Variants in ALDH16A1 observed in about 807,000 individuals in gnomAD.
ALDH16A1 encodes the protein aldehyde dehydrogenase family 16 member A1.
In ALDH16A1, 88 loss-of-function variants were observed where a neutral mutation model predicts 96.1. That is an observed-to-expected ratio of 0.92 (90% CI 0.77 to 1.09). The LOEUF is 1.09. Ranked by LOEUF, ALDH16A1 falls within the 50% of genes least tolerant of loss-of-function variation. ALDH16A1 has a pLI of 0.00. For missense variants in ALDH16A1, 1,250 were observed against 1,112.6 expected, an observed-to-expected ratio of 1.12 and a Z score of -1.76; for synonymous variants, 522 against 496.4, an observed-to-expected ratio of 1.05 and a Z score of -0.69.
At position 49,468,773 on chromosome 19, in the gene ALDH16A1, AT is replaced by A; in HGVS notation, c.2125-90del. ...GGGGCTTTCTCCTCCATGACCCCCCATCCCCTTCCCTCCCATGGGCACCCCC... is the reference window on the plus strand; with the variant it reads ...GGGGCTTTCTCCTCCATGACCCCCCACCCCTTCCCTCCCATGGGCACCCCC... On this transcript the variant is annotated intron_variant, in intron 15 of 16. Transcript: ENST00000293350. The surrounding 1 kb of genome is among the most constrained non-coding windows in gnomAD (Gnocchi z 4.4). 7.2e-7 allele frequency: 1 copy of A among 1,395,002 alleles called. No homozygotes were observed. Among genetic ancestry groups the A allele is most frequent in the African/African-American group, 1.5e-5 (1 of 67,720 alleles). 86.4% of individuals were successfully genotyped at this position (1,395,002 alleles called of 1,614,324 possible).
chr19:49,461,362 A>G (rs1393605378), intron 5 of ALDH16A1, among the ~76,000 whole-genome samples: 183 of 12,018 alleles, frequency 0.015, no homozygotes, highest in Admixed American at 0.036. Flanking sequence ...GAGGGGCTGG[A>G]GTCTGGACTC....
At chr19:49,462,076 C>A in intron 7 of ALDH16A1, 40 bp downstream of exon 7, 3 of 1,498,598 alleles carry the variant, frequency 2.0e-6, no homozygotes, top group Non-Finnish European at 1.8e-6. Flanking sequence ...ACCCTGGAGG[C>A]CGTTGGTGTC....
At position 49,460,993 on chromosome 19, in the gene ALDH16A1, G is replaced by A. The variant is rs1181044887; in HGVS notation, c.577+94G>A. 2.9e-6 allele frequency: 4 copies of A among 1,372,654 alleles called. No individual in the cohort carries two copies. In the African/African-American group the frequency reaches 4.3e-5, roughly 15 times the overall value. The allele number at this position is 1,372,654 out of a possible 1,614,324, so 85.0% of individuals were successfully genotyped here. On this transcript the variant is annotated intron_variant, in intron 5 of 16. Coordinates refer to ENST00000293350, the MANE Select transcript of ALDH16A1 (RefSeq NM_153329.4). ...CAGAGTCTGAGAGACAAGGGGGCTG[G>A]AGGCCTGGACTCTGTGGAAGGAGTC...
chr19:49,462,862 GGAA>G lies in ALDH16A1; in HGVS notation c.1098+109_1098+111del. 2 of 854,350 alleles carry G rather than the reference GGAA, an allele frequency of 2.3e-6. 1 individual carries two copies. The highest frequency in any genetic ancestry group is 8.5e-5 in the Admixed American group (2 of 23,416). The allele number at this position is 854,350 out of a possible 1,614,324, so 52.9% of individuals were successfully genotyped here. ...GCTGGGCGTGGACAACTGGGTCCGA[GGAA>G]GGAGGGGCTGGGAGCCTGGACTCCT... On this transcript the variant is annotated intron_variant, in intron 8 of 16. Transcript: ENST00000293350.
At chr19:49,462,799 G>T (rs763379703) in intron 8 of ALDH16A1, 44 bp downstream of exon 8, 4 of 1,490,092 alleles carry the variant, frequency 2.7e-6, no homozygotes, top group Non-Finnish European at 3.6e-6. Flanking sequence ...GGGAGGAGGG[G>T]CCTGGAGACC....
At chr19:49,460,930 T>C in intron 5 of ALDH16A1, 31 bp downstream of exon 5, 1 of 1,602,880 alleles carries the variant, frequency 6.2e-7, no homozygotes, top group South Asian at 1.1e-5. Context: ...TCCTGACTCT[T>C]GGGTCTGAGA....
rs114336141 is a variant in ALDH16A1 at position 49,466,322 on chromosome 19, G to A, written c.1938+39G>A. The A allele has an allele frequency of 3.1e-3, 4,376 of 1,424,148 alleles. 53 individuals carry two copies. In the African/African-American group the frequency reaches 0.032, roughly 10 times the overall value. 88.2% of individuals were successfully genotyped at this position (1,424,148 alleles called of 1,614,324 possible). ...GGGCACCTGGGCCAGCTGGGCAGGC[G>A]GGGTGGGGCTCAGACCAGAGGCTGT... On this transcript the variant is annotated intron_variant, in intron 14 of 16. Transcript: ENST00000293350.
Position 49,470,558 on chromosome 19 carries a change from G to A in ALDH16A1, c.*91G>A. ...CTGGGACTTTCCCCTTCTGGTTCCTGTGTCTCCCAATAAACTCTCTGACCA... is the reference window on the plus strand; with the variant it reads ...CTGGGACTTTCCCCTTCTGGTTCCTATGTCTCCCAATAAACTCTCTGACCA... On this transcript the variant is annotated 3_prime_UTR_variant, in exon 17 of 17. Coordinates refer to ENST00000293350, the MANE Select transcript of ALDH16A1 (RefSeq NM_153329.4). 2 of 1,375,828 alleles carry A rather than the reference G, an allele frequency of 1.5e-6. No homozygotes were observed. Among genetic ancestry groups the A allele is most frequent in the Non-Finnish European group, 1.9e-6 (2 of 1,053,328 alleles). 85.2% of individuals were successfully genotyped at this position (1,375,828 alleles called of 1,614,324 possible).
chr19:49,460,800 T>C (rs964165003), intron 4 of ALDH16A1, 22 bp from the exon 5 acceptor site: 1 of 1,603,274 alleles, frequency 6.2e-7, no homozygotes, highest in Non-Finnish European at 8.5e-7. Context: ...AGGGATCCTC[T>C]TGCCTCATTT....
rs1263488206 is a variant in ALDH16A1 at position 49,470,640 on chromosome 19, G to C, written c.*173G>C. The C allele has an allele frequency of 1.8e-5, 10 of 561,886 alleles. No individual in the cohort carries two copies. In the Admixed American group the frequency reaches 2.1e-4, roughly 12 times the overall value. The allele number at this position is 561,886 out of a possible 1,614,324, so 34.8% of individuals were successfully genotyped here. On this transcript the variant is annotated 3_prime_UTR_variant, in exon 17 of 17. Transcript: ENST00000293350. ...TGTAGCAACTTCTGGCAGATATGAGGCTTTTTTCTTTTTTTTTTTTTTTTT... is the reference window on the plus strand; with the variant it reads ...TGTAGCAACTTCTGGCAGATATGAGCCTTTTTTCTTTTTTTTTTTTTTTTT...
chr19:49,462,439 T>C, intron 7 of ALDH16A1, 131 bp from the exon 8 acceptor site: 1 of 1,200,910 alleles, frequency 8.3e-7, no homozygotes, highest in Non-Finnish European at 1.2e-6. Flanking sequence ...CCGGCCTCTC[T>C]GTTCTTTAGG....
At chr19:49,458,635 C>T (rs1197431080) in intron 2 of ALDH16A1, 47 bp downstream of exon 2, 1 of 1,529,194 alleles carries the variant, frequency 6.5e-7, no homozygotes, top group Admixed American at 2.0e-5. Flanking sequence ...TATCTGTGCC[C>T]TCTAGCCCTA....
At position 49,465,721 on chromosome 19, in the gene ALDH16A1, G is replaced by A; in HGVS notation, c.1569-17G>A. 5.0e-6 allele frequency: 8 copies of A among 1,606,490 alleles called. No individual in the cohort carries two copies. Among genetic ancestry groups the A allele is most frequent in the Non-Finnish European group, 6.8e-6 (8 of 1,175,374 alleles). On this transcript the variant is annotated splice_polypyrimidine_tract_variant and intron_variant, in intron 12 of 16. Coordinates refer to ENST00000293350, the MANE Select transcript of ALDH16A1 (RefSeq NM_153329.4). ...TTGAGGCCCCAGGACTCCTCCTCAT[G>A]TCCCACCCTACTCCAGCCCAGCACC... is the stretch of plus-strand genomic sequence containing the variant.
In ALDH16A1 at chr19:49,463,863, G is replaced by A; in HGVS notation, c.1108G>A (p.Ala370Thr). The change falls in exon 9 of 17, where the codon GCT (alanine) becomes ACT (threonine). Residue 370 changes from alanine to threonine, a missense_variant. Ala to Thr is a moderately conservative substitution (Grantham distance 58). Coordinates refer to ENST00000293350, the MANE Select transcript of ALDH16A1 (RefSeq NM_153329.4). ...AQSQGAQVFQ[A>T]GDVPSERPFY... ...TCATTTCTCTCCCTAGGTGTTCCAG[G>A]CTGGTGATGTGCCTTCGGAACGCCC... 6.2e-7 allele frequency: 1 copy of A among 1,613,248 alleles called. No homozygotes were observed. The highest frequency in any genetic ancestry group is 1.3e-5 in the African/African-American group (1 of 74,956).
At chr19:49,462,793 G>A in intron 8 of ALDH16A1, 38 bp downstream of exon 8, 1 of 1,495,172 alleles carries the variant, frequency 6.7e-7, no homozygotes, top group East Asian at 2.5e-5. Flanking sequence ...TGTCAGGGGA[G>A]GAGGGGCCTG....
In ALDH16A1 at chr19:49,471,037, A is replaced by T. The variant is rs2079241742; in HGVS notation, c.*570A>T. On this transcript the variant is annotated 3_prime_UTR_variant, in exon 17 of 17. Coordinates refer to ENST00000293350, the MANE Select transcript of ALDH16A1 (RefSeq NM_153329.4). Reference sequence around the variant, plus strand: ...TAAAGGAACTCTCTGGAATAAAATTAAAGTCCTCCTATATGACTTTTGTCA... The same window carrying T: ...TAAAGGAACTCTCTGGAATAAAATTTAAGTCCTCCTATATGACTTTTGTCA... 1 of 152,132 alleles carries T rather than the reference A, an allele frequency of 6.6e-6. No individual in the cohort carries two copies. The highest frequency in any genetic ancestry group is 1.5e-5 in the Non-Finnish European group (1 of 68,024). 9.4% of individuals were successfully genotyped at this position (152,132 alleles called of 1,614,324 possible). A position where few individuals can be genotyped will look rare whatever the true frequency, so the allele number is the denominator to read the frequency against.
intron 7 of ALDH16A1, among the ~76,000 whole-genome samples, chr19:49,462,324 G>A (rs2079157383): frequency 1.3e-5 from 2 of 152,022 alleles, no homozygotes; most frequent in African/African-American, 2.4e-5. Flanking sequence ...TAGTAGAGAC[G>A]GGGTTTCACC....
chr19:49,470,291 TC>T lies in ALDH16A1; in HGVS notation c.2248-14del. 6.2e-7 allele frequency: 1 copy of T among 1,612,606 alleles called. No homozygotes were observed. The highest frequency in any genetic ancestry group is 8.5e-7 in the Non-Finnish European group (1 of 1,179,424). ...GCCTGCAGAAGTGCTTACCCCCGTCTCTTCCTCCCCTCAGGGTTCCCAGTTT... is the reference window on the plus strand; with the variant it reads ...GCCTGCAGAAGTGCTTACCCCCGTCTTTCCTCCCCTCAGGGTTCCCAGTTT... On this transcript the variant is annotated splice_polypyrimidine_tract_variant and intron_variant, in intron 16 of 16. Transcript: ENST00000293350.
In ALDH16A1 at chr19:49,461,994, C is replaced by T. The variant is rs1337394544; in HGVS notation, c.870C>T (p.Ala290=). The change falls in exon 7 of 17, where the codon GCC becomes GCT. Residue 290 remains alanine, a synonymous_variant. Coordinates refer to ENST00000293350, the MANE Select transcript of ALDH16A1 (RefSeq NM_153329.4). The part of the protein sequence containing the change: ...LLTDTADVDS[A]VEGVVDAAWS... ...CGGACACGGCGGACGTAGACTCGGC[C>T]GTGGAGGGTGTCGTGGACGCCGCCT... is the stretch of plus-strand genomic sequence containing the variant. 1.1e-5 allele frequency: 17 copies of T among 1,547,492 alleles called. No homozygotes were observed. The highest frequency in any genetic ancestry group is 2.7e-5 in the African/African-American group (2 of 73,188).
Sources: gnomAD v4.1 joint callset for allele counts (sites outside exome capture counted in the v4.1 genomes callset) on GRCh38, gnomAD v4.1.1 for gene constraint, Gnocchi (gnomAD v3.1) non-coding constraint, MANE v1.5 for transcripts, NCBI Gene and HGNC (gene_info 2026-07-23, HGNC 2026-07-21) for gene names.